The following XKR6 variants were observed in gnomAD, a reference collection of about 807,000 sequenced individuals.
XKR6 encodes XK-related protein 6.
Under a neutral mutation model 56.7 loss-of-function variants are expected in XKR6, and 22 were observed. That is an observed-to-expected ratio of 0.39 (90% CI 0.28 to 0.55). The LOEUF is 0.55. Among genes scored for constraint, XKR6 ranks in the 20% least tolerant of loss-of-function variants. The pLI is 0.66. For missense variants in XKR6, 852 were observed against 889.0 expected (o/e 0.96, Z 0.53); for synonymous variants, 524 against 387.8 (o/e 1.35, Z -4.13).
Position 11,137,463 on chromosome 8 carries a change from G to A in XKR6, c.764+63113C>T, listed in dbSNP as rs937271326. ...TGGACAGTCCCTTACATCTTCAGCC[G>A]ACACGGAAGTCTTATCTGAGAATAG... On this transcript the variant is annotated intron_variant, in intron 1 of 2. Transcript: ENST00000416569. 5.7e-5 allele frequency: 24 copies of A among 424,506 alleles called. No homozygotes were observed. The East Asian group carries it at 8.5e-4, about 15-fold the overall frequency. 26.3% of individuals were successfully genotyped at this position (424,506 alleles called of 1,614,324 possible).
intron 1 of XKR6, among the ~76,000 whole-genome samples, chr8:10,953,397 C>T (rs532256637): frequency 6.6e-6 from 1 of 152,162 alleles, no homozygotes; most frequent in Non-Finnish European, 1.5e-5. Flanking sequence ...CCCCCTTGGC[C>T]TTCCACCATG....
intron 1 of XKR6, among the ~76,000 whole-genome samples, chr8:11,092,732 C>A (rs1798117819): frequency 6.6e-6 from 1 of 152,204 alleles, no homozygotes; most frequent in African/African-American, 2.4e-5. Flanking sequence ...CTGGAGGAAT[C>A]TTGGCCAGAA....
chr8:10,981,734 T>A (rs569185328), intron 1 of XKR6, among the ~76,000 whole-genome samples: 1 of 152,326 alleles, frequency 6.6e-6, no homozygotes, highest in South Asian at 2.1e-4. Flanking sequence ...CTTAAGCAAT[T>A]TCTTCCTTAT....
At chr8:11,132,768 C>G (rs1321806369) in intron 1 of XKR6, among the ~76,000 whole-genome samples, 1 of 53,426 alleles carries the variant, frequency 1.9e-5, no homozygotes, top group Non-Finnish European at 4.1e-5. Flanking sequence ...CACACGCACG[C>G]ACACACACAC....
chr8:10,982,078 A>T (rs1247119540), intron 1 of XKR6, among the ~76,000 whole-genome samples: 1 of 152,224 alleles, frequency 6.6e-6, no homozygotes, highest in Non-Finnish European at 1.5e-5. Flanking sequence ...CTACTAGGGT[A>T]AGGGCTTTAA....
chr8:11,012,588 C>A (rs908669765), intron 1 of XKR6, among the ~76,000 whole-genome samples: 1 of 152,096 alleles, frequency 6.6e-6, no homozygotes, highest in Non-Finnish European at 1.5e-5. Context: ...AGGAAAAGAG[C>A]TGGGAAATGT....
chr8:11,094,583 C>T (rs1798208668), intron 1 of XKR6, among the ~76,000 whole-genome samples: 1 of 152,182 alleles, frequency 6.6e-6, no homozygotes, highest in African/African-American at 2.4e-5. Context: ...TGGGAACCCT[C>T]TGTCTCCCAA....
chr8:10,992,521 G>C (rs1798017415), intron 1 of XKR6, among the ~76,000 whole-genome samples: 1 of 152,128 alleles, frequency 6.6e-6, no homozygotes, highest in African/African-American at 2.4e-5. Context: ...GAGAAACTCA[G>C]GGCTCAACCT....
At chr8:11,055,042 G>A (rs1033017261) in intron 1 of XKR6, among the ~76,000 whole-genome samples, 3 of 152,156 alleles carry the variant, frequency 2.0e-5, no homozygotes, top group Non-Finnish European at 2.9e-5. Context: ...GGCTTTGCTT[G>A]GATGTTTGTG....
intron 1 of XKR6, among the ~76,000 whole-genome samples, chr8:11,061,869 C>G (rs929126291): frequency 6.6e-6 from 1 of 152,178 alleles, no homozygotes; most frequent in African/African-American, 2.4e-5. Flanking sequence ...TAAAATGAGT[C>G]TGTGTGCTTG....
chr8:11,201,155 G>A lies in XKR6; in HGVS notation c.185C>T (p.Thr62Ile), dbSNP rs919754716. The part of the protein sequence containing the change: ...SSMHICHCCN[T>I]SSCYWGCRSA... ...GCGGCAGCCCCAGTAGCACGAGGAG[G>A]TGTTGCAGCAGTGGCAGATGTGCAT... The change falls in exon 1 of 3, where the codon ACC (threonine) becomes ATC (isoleucine). Residue 62 changes from threonine (T) to isoleucine (I), a missense_variant. Physicochemically the swap from Thr to Ile is moderately conservative, Grantham distance 89 (BLOSUM62 -1). Coordinates refer to ENST00000416569, the MANE Select transcript of XKR6 (RefSeq NM_173683.4). 1.0e-5 allele frequency: 16 copies of A among 1,523,846 alleles called. No individual in the cohort carries two copies. The highest frequency in any genetic ancestry group is 8.4e-5 in the South Asian group (7 of 83,460). 94.4% of individuals were successfully genotyped at this position (1,523,846 alleles called of 1,614,324 possible).
At chr8:11,134,283 T>A (rs920824874) in intron 1 of XKR6, among the ~76,000 whole-genome samples, 2 of 152,198 alleles carry the variant, frequency 1.3e-5, no homozygotes, top group Non-Finnish European at 2.9e-5. Flanking sequence ...TCCCTTTCCA[T>A]ACCCTATCCC....
chr8:11,112,772 G>C (rs1042336139), intron 1 of XKR6, among the ~76,000 whole-genome samples: 3 of 152,188 alleles, frequency 2.0e-5, no homozygotes, highest in Non-Finnish European at 4.4e-5. Context: ...TCAACCTAAT[G>C]GGGCCCAGAT....
At chr8:11,094,105 C>A (rs1483534418) in intron 1 of XKR6, among the ~76,000 whole-genome samples, 1 of 145,842 alleles carries the variant, frequency 6.9e-6, no homozygotes, top group African/African-American at 2.6e-5. Flanking sequence ...TTGACAGAGT[C>A]TTGCTGTGTC....
At chr8:10,924,917 A>G (rs1800835113) in intron 1 of XKR6, 87 bp from the exon 2 acceptor site, 17 of 1,394,094 alleles carry the variant, frequency 1.2e-5, no homozygotes, top group Non-Finnish European at 1.7e-5. Context: ...AAACCAAGAG[A>G]CTCAGCATCC....
At chr8:11,155,244 T>C (rs970487806) in intron 1 of XKR6, among the ~76,000 whole-genome samples, 2 of 152,232 alleles carry the variant, frequency 1.3e-5, no homozygotes, top group African/African-American at 4.8e-5. Context: ...AAATTTTAAA[T>C]GGCACTATTT....
intron 1 of XKR6, among the ~76,000 whole-genome samples, chr8:10,950,942 A>G (rs1279387229): frequency 6.6e-6 from 1 of 152,210 alleles, no homozygotes. Flanking sequence ...ACGGCGAGTT[A>G]CTTGCCCAAG....
intron 1 of XKR6, among the ~76,000 whole-genome samples, chr8:11,096,831 A>G (rs1431689227): frequency 6.6e-6 from 1 of 152,252 alleles, no homozygotes; most frequent in Non-Finnish European, 1.5e-5. Context: ...AACAAATACC[A>G]TATGAAGAAT....
chr8:11,063,657 A>C (rs1022795160), intron 1 of XKR6, among the ~76,000 whole-genome samples: 2 of 152,232 alleles, frequency 1.3e-5, no homozygotes, highest in Non-Finnish European at 2.9e-5. Context: ...TAGGGGAGGT[A>C]CCAGTAAGGG....
Sources: allele counts gnomAD v4.1 joint callset (sites outside exome capture counted in the v4.1 genomes callset), GRCh38; gene constraint gnomAD v4.1.1; transcripts MANE v1.5; gene names NCBI Gene and HGNC (gene_info 2026-07-23, HGNC 2026-07-21).